MSI2: variants seen among roughly 807,000 people sequenced by gnomAD.
The protein encoded by MSI2 is musashi RNA binding protein 2.
Under a neutral mutation model 45.6 loss-of-function variants are expected in MSI2, and 17 were observed. The ratio of observed to expected loss-of-function variants is 0.37; its 90% CI spans 0.26 to 0.56. The LOEUF is 0.56. Ranked by LOEUF, MSI2 falls within the 20% of genes least tolerant of loss-of-function variation. The probability of loss-of-function intolerance (pLI) is 0.77; values close to 1 mark genes in which losing one functional copy is unlikely to be tolerated. For missense variants in MSI2, 293 were observed against 444.2 expected (o/e 0.66, Z 3.06); for synonymous variants, 156 against 158.2 (o/e 0.99, Z 0.11).
chr17:57,442,564 G>A (rs1443188880), intron 6 of MSI2, among the ~76,000 whole-genome samples: 2 of 152,074 alleles, frequency 1.3e-5, no homozygotes, highest in Admixed American at 1.3e-4. Flanking sequence ...GGAAGAAATG[G>A]GTGTTTTGTT....
rs140432088 is a variant in MSI2 at position 57,281,851 on chromosome 17, A to T, written c.312+19659A>T. 4.4e-3 allele frequency among the ~76,000 whole-genome samples: 673 copies of T among 152,278 alleles called. 12 individuals carry two copies. Among genetic ancestry groups the T allele is most frequent in the South Asian group, 0.02 (95 of 4,826 alleles). On this transcript the variant is annotated intron_variant, in intron 5 of 13. Transcript: ENST00000284073. ...AGTCCTGCTCCGTGGGATAACTTGG[A>T]GAAAAATCAGGGCCAAAAGCAGACA...
chr17:57,372,354 T>C (rs1018003529), intron 5 of MSI2, among the ~76,000 whole-genome samples: 2 of 152,194 alleles, frequency 1.3e-5, no homozygotes, highest in African/African-American at 4.8e-5. Flanking sequence ...GAACTTTCAG[T>C]GTAACTGTTC....
intron 6 of MSI2, among the ~76,000 whole-genome samples, chr17:57,475,701 A>G (rs1310086599): frequency 1.3e-5 from 2 of 152,116 alleles, no homozygotes; most frequent in African/African-American, 2.4e-5. Flanking sequence ...TCAGAACCCT[A>G]GAGAGACTAG....
intron 7 of MSI2, among the ~76,000 whole-genome samples, chr17:57,590,359 G>A (rs1904714229): frequency 6.6e-6 from 1 of 152,206 alleles, no homozygotes; most frequent in Non-Finnish European, 1.5e-5. Context: ...CTCAGTGACT[G>A]CGTTTGGAGC....
chr17:57,613,978 A>G (rs551331276), intron 8 of MSI2, among the ~76,000 whole-genome samples: 1 of 152,310 alleles, frequency 6.6e-6, no homozygotes, highest in Non-Finnish European at 1.5e-5. Flanking sequence ...ATATTTTTTG[A>G]TTGAAGTATT....
At chr17:57,508,192 C>T (rs2086278081) in intron 6 of MSI2, among the ~76,000 whole-genome samples, 1 of 152,154 alleles carries the variant, frequency 6.6e-6, no homozygotes, top group Non-Finnish European at 1.5e-5. Flanking sequence ...TTGCCTGTGG[C>T]CCGCTATTGG....
chr17:57,577,156 G>T (rs1004661811), intron 7 of MSI2, among the ~76,000 whole-genome samples: 2 of 152,222 alleles, frequency 1.3e-5, no homozygotes, highest in African/African-American at 2.4e-5. Context: ...ACCCCTGGGA[G>T]GGGGGCCAGG....
At chr17:57,698,034 G>A in the MSI2 span, among the ~76,000 whole-genome samples, 1 of 151,902 alleles carries the variant, frequency 6.6e-6, no homozygotes, top group African/African-American at 2.4e-5. Flanking sequence ...TCTCTGGCTT[G>A]CTCACTGTTA....
intron 5 of MSI2, among the ~76,000 whole-genome samples, chr17:57,388,156 G>T (rs1242641822): frequency 6.6e-6 from 1 of 152,154 alleles, no homozygotes; most frequent in Admixed American, 6.5e-5. Context: ...CGTCCTTAGA[G>T]GGTTGAGACA....
chr17:57,327,264 A>G (rs1316743462), intron 5 of MSI2, among the ~76,000 whole-genome samples: 2 of 152,126 alleles, frequency 1.3e-5, no homozygotes, highest in Non-Finnish European at 2.9e-5. Context: ...ACAGAGGGAC[A>G]CCCCATCTCT....
chr17:57,581,002 A>ATTTTTT (rs1567914151), intron 7 of MSI2, among the ~76,000 whole-genome samples: 1 of 58,244 alleles, frequency 1.7e-5, no homozygotes, highest in Non-Finnish European at 3.6e-5. Flanking sequence ...TGAGGTCAGC[A>ATTTTTT]TCTTTTTTTT....
chr17:57,656,246 C>T (rs751620670), intron 11 of MSI2, among the ~76,000 whole-genome samples: 1 of 152,210 alleles, frequency 6.6e-6, no homozygotes, highest in East Asian at 1.9e-4. Flanking sequence ...AGAACTGGGT[C>T]ACCACCCTCA....
At chr17:57,494,323 T>A (rs1245813274) in intron 6 of MSI2, among the ~76,000 whole-genome samples, 1 of 152,224 alleles carries the variant, frequency 6.6e-6, no homozygotes, top group Non-Finnish European at 1.5e-5. Flanking sequence ...TGTGGGCTTC[T>A]GGACTCCCAT....
chr17:57,634,125 G>T (rs1335769802), intron 10 of MSI2, among the ~76,000 whole-genome samples: 2 of 152,190 alleles, frequency 1.3e-5, no homozygotes, highest in African/African-American at 2.4e-5. Flanking sequence ...GAGAGAAGCA[G>T]TGATAAGACC....
intron 6 of MSI2, among the ~76,000 whole-genome samples, chr17:57,480,299 A>T (rs1222992413): frequency 6.6e-6 from 1 of 152,210 alleles, no homozygotes; most frequent in African/African-American, 2.4e-5. Flanking sequence ...AGCTGTTTCA[A>T]ATATCAGCCT....
At chr17:57,385,533 C>T (rs765181463) in intron 5 of MSI2, among the ~76,000 whole-genome samples, 2 of 152,268 alleles carry the variant, frequency 1.3e-5, no homozygotes, top group East Asian at 3.9e-4. Flanking sequence ...TGCCTGTAAT[C>T]CCAGCTACTC....
At chr17:57,614,044 G>T (rs568491250) in intron 8 of MSI2, among the ~76,000 whole-genome samples, 2 of 151,848 alleles carry the variant, frequency 1.3e-5, no homozygotes, top group African/African-American at 4.8e-5. Flanking sequence ...TTTTATTTTC[G>T]TTTTATTTAT....
chr17:57,341,799 A>G (rs1187110082), intron 5 of MSI2, among the ~76,000 whole-genome samples: 1 of 152,156 alleles, frequency 6.6e-6, no homozygotes, highest in Non-Finnish European at 1.5e-5. Context: ...AAAGAGCTTT[A>G]TGTCAGCACA....
intron 6 of MSI2, among the ~76,000 whole-genome samples, chr17:57,516,097 T>C (rs1053196257): frequency 2.0e-5 from 3 of 152,146 alleles, no homozygotes; most frequent in African/African-American, 7.2e-5. Flanking sequence ...TTCTTTAAAA[T>C]TGTACTACCT....
Sources: gnomAD v4.1 joint callset for allele counts (sites outside exome capture counted in the v4.1 genomes callset) on GRCh38, gnomAD v4.1.1 for gene constraint, MANE v1.5 for transcripts, NCBI Gene and HGNC (gene_info 2026-07-23, HGNC 2026-07-21) for gene names.